The following FMR1 variants were observed in gnomAD, a reference collection of about 807,000 sequenced individuals.
FMR1 encodes the protein FMRP translational regulator 1.
A neutral mutation model predicts 50.6 loss-of-function variants in FMR1; 13 were observed. That is an observed-to-expected ratio of 0.26 (90% CI 0.17 to 0.41). FMR1 has a LOEUF of 0.41. Ranked by LOEUF, FMR1 falls within the 10% of genes least tolerant of loss-of-function variation. FMR1 has a pLI of 1.00. For synonymous variants in FMR1, 138 were observed against 164.1 expected (o/e 0.84, Z 1.22); for missense variants, 316 against 491.3 (o/e 0.64, Z 3.37).
At chrX:147,935,358 A>G (rs782646685) in intron 9 of FMR1, among the ~76,000 whole-genome samples, 30 of 112,356 alleles carry the variant, frequency 2.7e-4, no homozygotes, top group Non-Finnish European at 4.7e-4. Context: ...AGCCACAAGA[A>G]TTTTTTGTGA....
chrX:147,931,002 T>C (rs1159083608), intron 7 of FMR1: 1 of 112,134 alleles, frequency 8.9e-6, no homozygotes, highest in East Asian at 2.8e-4. Flanking sequence ...CCCTGTGAAA[T>C]TTGCCACCTG....
At chrX:147,936,376 A>T (rs2043789931) in intron 9 of FMR1, 128 bp from the exon 10 acceptor site, 1 of 475,343 alleles carries the variant, frequency 2.1e-6, no homozygotes, top group South Asian at 3.4e-5. Flanking sequence ...TTGAAATCTT[A>T]CAATTCAATA....
chrX:147,943,180 G>A lies in FMR1; in HGVS notation c.1325G>A (p.Arg442Gln). The change falls in exon 14 of 17, where the codon CGA becomes CAA. Residue 442 changes from arginine (R) to glutamine (Q), a missense_variant. Physicochemically the swap from Arg to Gln is conservative, Grantham distance 43. Transcript: ENST00000370475. ...AGATTACAAATTGATGAGCAGTTGC[G>A]ACAGATTGGAGCTAGTTCTAGACCA... is the stretch of plus-strand genomic sequence containing the variant. Reference protein sequence around the residue: ...LERLQIDEQLRQIGASSRPPP... With the variant: ...LERLQIDEQLQQIGASSRPPP... 8.3e-7 allele frequency: 1 copy of A among 1,210,804 alleles called. No individual in the cohort carries two copies. The highest frequency in any genetic ancestry group is 1.1e-6 in the Non-Finnish European group (1 of 894,734).
At chrX:147,919,257 G>T (rs187671210) in intron 1 of FMR1, among the ~76,000 whole-genome samples, 7 of 111,273 alleles carry the variant, frequency 6.3e-5, no homozygotes, top group African/African-American at 2.3e-4. Flanking sequence ...ATCCTGTAAA[G>T]ACAAGGGAGA....
At chrX:147,942,085 A>G (rs2124561871) in intron 13 of FMR1, among the ~76,000 whole-genome samples, 1 of 112,720 alleles carries the variant, frequency 8.9e-6, no homozygotes, top group Admixed American at 9.4e-5. Flanking sequence ...TGGTGTAACT[A>G]TGTAAATTGC....
intron 3 of FMR1, among the ~76,000 whole-genome samples, chrX:147,926,147 A>G (rs1233294588): frequency 8.9e-6 from 1 of 112,036 alleles, no homozygotes; most frequent in Non-Finnish European, 1.9e-5. Flanking sequence ...CTACCTGCTT[A>G]TCTCCCGTTG....
chrX:147,926,506 T>A (rs782641601), intron 3 of FMR1, among the ~76,000 whole-genome samples: 2 of 110,584 alleles, frequency 1.8e-5, no homozygotes, highest in South Asian at 3.9e-4. Flanking sequence ...TTATTTATTT[T>A]TTGAGATGGA....
At chrX:147,946,322 A>G (rs1430787492) in intron 16 of FMR1, among the ~76,000 whole-genome samples, 1 of 112,185 alleles carries the variant, frequency 8.9e-6, no homozygotes, top group Non-Finnish European at 1.9e-5. Context: ...AATAGAAAAT[A>G]AGGAAAAGAA....
intron 14 of FMR1, chrX:147,943,534 G>C: frequency 2.3e-6 from 1 of 427,307 alleles, no homozygotes; most frequent in South Asian, 3.7e-5. Context: ...TTCTGTTCAT[G>C]CTCTGATTGG....
At chrX:147,941,075 T>G (rs984889944) in intron 13 of FMR1, among the ~76,000 whole-genome samples, 3 of 112,366 alleles carry the variant, frequency 2.7e-5, no homozygotes, top group Non-Finnish European at 5.6e-5. Context: ...AGTTCTTTGT[T>G]TAAATGTTTA....
At chrX:147,913,909 C>G (rs782771578) in intron 1 of FMR1, 3 of 111,725 alleles carry the variant, frequency 2.7e-5, no homozygotes, top group Admixed American at 9.5e-5. Flanking sequence ...TGAGTAACGG[C>G]TAATGGTTAG....
At chrX:147,917,128 T>G (rs914448908) in intron 1 of FMR1, among the ~76,000 whole-genome samples, 33 of 112,256 alleles carry the variant, frequency 2.9e-4, no homozygotes, top group African/African-American at 1.0e-3. Flanking sequence ...TGATACAAGC[T>G]TACTGATGAT....
rs782208456 is a variant in FMR1, at chrX:147,949,926, A to G, written c.*1082A>G. The G allele has an allele frequency of 3.7e-5, 12 of 325,416 alleles. No homozygotes were observed. Among genetic ancestry groups the G allele is most frequent in the Admixed American group, 2.5e-4 (8 of 31,686 alleles). 26.8% of individuals were successfully genotyped at this position (325,416 alleles called of 1,213,427 possible). ...AGTACAGGTACTTTGTCTAAGAAAC[A>G]TTGGAAGCAGGTTAAATGTTTTGTA... On this transcript the variant is annotated 3_prime_UTR_variant, in exon 17 of 17. Transcript: ENST00000370475.
intron 14 of FMR1, chrX:147,944,622 T>C (rs2044111949): frequency 9.8e-7 from 1 of 1,021,677 alleles, no homozygotes; most frequent in East Asian, 3.9e-5. Context: ...AGGTGGCTAA[T>C]AACATACCTT....
intron 14 of FMR1, 122 bp from the exon 15 acceptor site, chrX:147,944,747 G>T: frequency 9.1e-7 from 1 of 1,096,445 alleles, no homozygotes; most frequent in Admixed American, 3.8e-5. Context: ...AATACTCTTT[G>T]TGGGCTTATA....
At position 147,937,518 on chromosome X, in the gene FMR1, A is replaced by G; in HGVS notation, c.1043A>G (p.Asn348Ser). Reference protein sequence around the residue: ...LPSNNSRVGPNAPEEKKHLDI... With the variant: ...LPSNNSRVGPSAPEEKKHLDI... ...TCCAATAATTCAAGGGTTGGACCTA[A>G]TGCCCCAGAAGAAAAAAAACATTTA... The change falls in exon 11 of 17, where the codon AAT becomes AGT. Residue 348 changes from asparagine to serine, a missense_variant. Physicochemically the swap from Asn to Ser is conservative, Grantham distance 46. Around this residue, in one of 4 missense-constraint regions of FMR1, gnomAD observed 53 missense variants for 51.5 expected, o/e 1.03. Coordinates refer to ENST00000370475, the MANE Select transcript of FMR1 (RefSeq NM_002024.6). The G allele has an allele frequency of 1.7e-6, 2 of 1,203,760 alleles. No homozygotes were observed. Among genetic ancestry groups the G allele is most frequent in the Non-Finnish European group, 2.3e-6 (2 of 888,746 alleles).
chrX:147,939,460 A>AT (rs1195952259), intron 12 of FMR1, among the ~76,000 whole-genome samples: 3 of 111,076 alleles, frequency 2.7e-5, no homozygotes, highest in Non-Finnish European at 5.7e-5. Flanking sequence ...CAATGTACCT[A>AT]TTTTTTTGTC....
chrX:147,936,641 C>A, intron 10 of FMR1, 28 bp downstream of exon 10: 2 of 937,251 alleles, frequency 2.1e-6, no homozygotes, highest in Non-Finnish European at 3.1e-6. Flanking sequence ...TATTTTGTGG[C>A]ACATATAATA....
chrX:147,944,151 A>C (rs2044096977), intron 14 of FMR1: 3 of 753,864 alleles, frequency 4.0e-6, no homozygotes, highest in Non-Finnish European at 4.7e-6. Flanking sequence ...CCCCTCTCCC[A>C]ACAGTCTGTT....
Sources: gnomAD v4.1 joint callset for allele counts (sites outside exome capture counted in the v4.1 genomes callset) on GRCh38, gnomAD v4.1.1 for gene constraint, gnomAD v4.1.1 regional missense constraint, MANE v1.5 for transcripts, NCBI Gene and HGNC (gene_info 2026-07-23, HGNC 2026-07-21) for gene names.